METTL21A: variants seen among roughly 807,000 people sequenced by gnomAD.
The protein encoded by METTL21A is protein N-lysine methyltransferase METTL21A.
METTL21A carries 22 observed loss-of-function variants against 20.9 expected under a neutral mutation model. The observed-to-expected ratio is 1.05, with a 90% confidence interval of 0.75 to 1.50. The LOEUF (loss-of-function observed/expected upper bound fraction) is 1.50, where lower values mean the gene tolerates loss of function less well. Among genes scored for constraint, METTL21A ranks in the 40% most tolerant of loss-of-function variants. The pLI, the probability that METTL21A is intolerant of heterozygous loss-of-function variation, is 0.00. For synonymous variants in METTL21A, 93 were observed against 102.0 expected (o/e 0.91, Z 0.53); for missense variants, 271 against 266.8 (o/e 1.02, Z -0.11).
intron 1 of METTL21A, 74 bp from the exon 2 acceptor site, chr2:207,624,478 C>T: frequency 1.6e-6 from 2 of 1,288,632 alleles, no homozygotes; most frequent in South Asian, 1.9e-5. Context: ...ACTCCAAATG[C>T]TTTTAAGGTC....
chr2:207,606,107 C>T (rs146224400), downstream of METTL21A, among the ~76,000 whole-genome samples: 32 of 152,298 alleles, frequency 2.1e-4, no homozygotes, highest in African/African-American at 7.5e-4. Context: ...TCTAGTGTTA[C>T]TAAATTTTTA....
At chr2:207,592,869 C>T (rs372461262) in intron 3 of METTL21A, among the ~76,000 whole-genome samples, 1 of 150,634 alleles carries the variant, frequency 6.6e-6, no homozygotes. Context: ...GTCCAGATTG[C>T]ACCACTGCAC....
intron 3 of METTL21A, among the ~76,000 whole-genome samples, chr2:207,593,674 T>C (rs2085515540): frequency 6.6e-6 from 1 of 151,992 alleles, no homozygotes; most frequent in Non-Finnish European, 1.5e-5. Flanking sequence ...TGCTAGGCAC[T>C]ATATTGTGTG....
chr2:207,599,621 C>A (rs2106636841), intron 3 of METTL21A: 1 of 200,118 alleles, frequency 5.0e-6, no homozygotes, highest in South Asian at 1.9e-4. Context: ...GTTGCTAAAT[C>A]TGTCTTAGAC....
intron 3 of METTL21A, among the ~76,000 whole-genome samples, chr2:207,594,745 T>A (rs150720053): frequency 6.6e-6 from 1 of 152,296 alleles, no homozygotes; most frequent in African/African-American, 2.4e-5. Flanking sequence ...AAAAGTGGGA[T>A]TGCTGGATCA....
exon 4 of METTL21A, chr2:207,613,144 G>T (rs1442960324): frequency 1.2e-6 from 2 of 1,613,694 alleles, no homozygotes; most frequent in East Asian, 4.5e-5. Context: ...TGCCTCTCCA[G>T]CATTGCTAAG....
At chr2:207,604,428 G>A (rs2087704359), downstream of METTL21A, among the ~76,000 whole-genome samples, 2 of 152,100 alleles carry the variant, frequency 1.3e-5, no homozygotes, top group Admixed American at 1.3e-4. Flanking sequence ...GGGAAACCTA[G>A]AAAAGCACTA....
chr2:207,586,343 G>T (rs771779705), intron 3 of METTL21A, among the ~76,000 whole-genome samples: 1 of 152,268 alleles, frequency 6.6e-6, no homozygotes, highest in South Asian at 2.1e-4. Flanking sequence ...TCAATCAATG[G>T]TATTGGGAAA....
downstream of METTL21A, chr2:207,580,798 G>C (rs1029270212): frequency 4.5e-6 from 1 of 224,022 alleles, no homozygotes; most frequent in Non-Finnish European, 8.9e-6. Flanking sequence ...GGCAGCTGCA[G>C]GTCAGTTGCT....
chr2:207,603,933 G>C (rs2087591365), intron 3 of METTL21A, among the ~76,000 whole-genome samples: 1 of 152,170 alleles, frequency 6.6e-6, no homozygotes, highest in Non-Finnish European at 1.5e-5. Flanking sequence ...TGCATTATTT[G>C]TATGTTTCTT....
intron 3 of METTL21A, chr2:207,598,075 A>G (rs1399129003): frequency 5.5e-6 from 1 of 180,930 alleles, no homozygotes; most frequent in Non-Finnish European, 1.2e-5. Context: ...AGTGATATAT[A>G]TTTGTTTATG....
intron 3 of METTL21A, chr2:207,620,577 C>G (rs2090370744): frequency 1.5e-6 from 2 of 1,327,636 alleles, no homozygotes; most frequent in East Asian, 5.4e-5. Context: ...AGAATCCCAG[C>G]TTTGTTTGAA....
At chr2:207,599,152 C>T (rs981698525) in intron 3 of METTL21A, 1 of 195,618 alleles carries the variant, frequency 5.1e-6, no homozygotes, top group African/African-American at 2.3e-5. Flanking sequence ...GACAGTTCAC[C>T]AGATTCTCAA....
chr2:207,620,022 T>C (rs1187725917), intron 3 of METTL21A, among the ~76,000 whole-genome samples: 1 of 152,322 alleles, frequency 6.6e-6, no homozygotes, highest in Non-Finnish European at 1.5e-5. Flanking sequence ...TTTGCTACAC[T>C]AACATGTCTA....
At chr2:207,592,884 G>C (rs936692671) in intron 3 of METTL21A, among the ~76,000 whole-genome samples, 2 of 75,134 alleles carry the variant, frequency 2.7e-5, no homozygotes, top group African/African-American at 5.2e-5. Context: ...CTGCACTCCA[G>C]CCTGGCGACA....
chr2:207,606,865 T>A (rs1318280086), downstream of METTL21A, among the ~76,000 whole-genome samples: 1 of 152,206 alleles, frequency 6.6e-6, no homozygotes, highest in Non-Finnish European at 1.5e-5. Flanking sequence ...AAATAGCAAT[T>A]AAATGGTATT....
chr2:207,612,989 C>T, exon 4 of METTL21A: 1 of 1,455,256 alleles, frequency 6.9e-7, no homozygotes. Context: ...GTTAGATTTG[C>T]AGTCTAAGAC....
intron 3 of METTL21A, among the ~76,000 whole-genome samples, chr2:207,613,747 G>A (rs935817932): frequency 2.6e-5 from 4 of 152,218 alleles, no homozygotes; most frequent in African/African-American, 9.6e-5. Context: ...ACTTTGGGAG[G>A]CCAAAGCGGG....
downstream of METTL21A, among the ~76,000 whole-genome samples, chr2:207,607,655 C>T (rs1312716441): frequency 6.7e-6 from 1 of 148,232 alleles, no homozygotes; most frequent in Non-Finnish European, 1.5e-5. Flanking sequence ...GCATTCTTTA[C>T]AGTGGGGTTC....
Sources: allele counts gnomAD v4.1 joint callset (sites outside exome capture counted in the v4.1 genomes callset), GRCh38; gene constraint gnomAD v4.1.1; transcripts MANE v1.5; gene names NCBI Gene and HGNC (gene_info 2026-07-23, HGNC 2026-07-21).